Variants in CLASP1 observed in about 807,000 individuals in gnomAD.
CLASP1 encodes CLIP-associating protein 1.
CLASP1 carries 38 observed loss-of-function variants against 192.3 expected under a neutral mutation model. That is an observed-to-expected ratio of 0.20 (90% CI 0.15 to 0.26). The LOEUF is 0.26. Ranked by LOEUF, CLASP1 falls within the 10% of genes least tolerant of loss-of-function variation. The pLI, the probability that CLASP1 is intolerant of heterozygous loss-of-function variation, is 1.00. For missense variants in CLASP1, 1,433 were observed against 1,932.5 expected, an observed-to-expected ratio of 0.74 and a Z score of 4.85; for synonymous variants, 691 against 712.8, an observed-to-expected ratio of 0.97 and a Z score of 0.49.
chr2:121,386,051 T>C (rs765918519), intron 32 of CLASP1, among the ~76,000 whole-genome samples: 7 of 152,206 alleles, frequency 4.6e-5, no homozygotes, highest in Non-Finnish European at 8.8e-5. Context: ...GAAAATACTT[T>C]GTTTCACCAA....
intron 19 of CLASP1, among the ~76,000 whole-genome samples, chr2:121,430,799 TA>T (rs1276416475): frequency 1.3e-5 from 2 of 152,032 alleles, no homozygotes; most frequent in East Asian, 3.9e-4. Flanking sequence ...GAGATACAGC[TA>T]AAAAGAATCA....
intron 2 of CLASP1, chr2:121,530,779 A>G: frequency 1.8e-6 from 1 of 563,730 alleles, no homozygotes; most frequent in Admixed American, 2.9e-5. Context: ...GCTGGAGGTA[A>G]GCTAGCTACC....
chr2:121,516,955 C>T (rs558120541), intron 6 of CLASP1, among the ~76,000 whole-genome samples: 6 of 152,208 alleles, frequency 3.9e-5, no homozygotes, highest in South Asian at 2.1e-4. Context: ...CACTTGGAGG[C>T]GGAGTTTGCA....
At chr2:121,622,770 T>A (rs1367050420) in intron 1 of CLASP1, among the ~76,000 whole-genome samples, 1 of 152,224 alleles carries the variant, frequency 6.6e-6, no homozygotes, top group Non-Finnish European at 1.5e-5. Flanking sequence ...AACAGTTTTA[T>A]AGTGCATTCC....
chr2:121,530,996 A>T (rs558135361), intron 2 of CLASP1: 3 of 700,158 alleles, frequency 4.3e-6, no homozygotes, highest in Non-Finnish European at 5.2e-6. Context: ...TTTTGGTGCA[A>T]TTTTTGGAAA....
At chr2:121,647,131 G>GC (rs2073326488) in intron 1 of CLASP1, among the ~76,000 whole-genome samples, 2 of 152,080 alleles carry the variant, frequency 1.3e-5, no homozygotes, top group South Asian at 4.1e-4. Flanking sequence ...ACTTCGGAAG[G>GC]CCAAGGCAGG....
At chr2:121,603,936 T>A (rs186469621) in intron 2 of CLASP1, among the ~76,000 whole-genome samples, 13 of 152,220 alleles carry the variant, frequency 8.5e-5, no homozygotes, top group Admixed American at 4.6e-4. Flanking sequence ...AAGAGAGGTA[T>A]AGGAAGAGAT....
At chr2:121,454,294 G>A (rs905772218) in intron 14 of CLASP1, among the ~76,000 whole-genome samples, 8 of 152,076 alleles carry the variant, frequency 5.3e-5, no homozygotes, top group Admixed American at 4.6e-4. Flanking sequence ...CCTATAAGAA[G>A]AGATAACAGG....
exon 2 of CLASP1, chr2:121,606,014 T>A (rs2064372866): frequency 6.3e-6 from 5 of 799,228 alleles, no homozygotes; most frequent in Non-Finnish European, 7.9e-6. Flanking sequence ...AGCCTGTGTT[T>A]CAAAGATGCA....
intron 8 of CLASP1, among the ~76,000 whole-genome samples, chr2:121,500,272 G>A (rs1228059876): frequency 6.6e-6 from 1 of 150,964 alleles, no homozygotes; most frequent in Admixed American, 6.6e-5. Context: ...CACGAAGGAG[G>A]AGGAGGTGGG....
chr2:121,497,011 G>C (rs2150195647), intron 8 of CLASP1, among the ~76,000 whole-genome samples: 1 of 152,246 alleles, frequency 6.6e-6, no homozygotes, highest in African/African-American at 2.4e-5. Flanking sequence ...TCATATGTGG[G>C]AGCTAAAAGG....
At chr2:121,479,098 C>T (rs544246839) in intron 8 of CLASP1, among the ~76,000 whole-genome samples, 1 of 137,838 alleles carries the variant, frequency 7.3e-6, no homozygotes, top group Admixed American at 7.4e-5. Context: ...GGTGAAAGAC[C>T]GGATGCTTTC....
chr2:121,531,868 A>G (rs1396663223), intron 2 of CLASP1, among the ~76,000 whole-genome samples: 4 of 150,520 alleles, frequency 2.7e-5, no homozygotes, highest in Middle Eastern at 6.4e-3. Context: ...CTCGGTCTCA[A>G]AAAAAAAAAG....
chr2:121,411,035 ACTACTGCCTCTTCCCAC>A (rs2077620296), intron 23 of CLASP1, 66 bp from the exon 25 acceptor site: 1 of 999,216 alleles, frequency 1.0e-6, no homozygotes, highest in Admixed American at 2.5e-5. Flanking sequence ...CCTTGCAAGG[ACTACTGCCTCTTCCCAC>A]CAAGTAGACA....
rs541305140 is a variant in CLASP1, at chr2:121,497,195, A to T, written c.712+5972T>A. 3.9e-5 allele frequency among the ~76,000 whole-genome samples: 6 copies of T among 152,340 alleles called. No individual in the cohort carries two copies. In the South Asian group the frequency reaches 1.2e-3, roughly 32 times the overall value. On this transcript the variant is annotated intron_variant, in intron 8 of 39. Coordinates refer to ENST00000263710, the Ensembl canonical transcript of CLASP1. ...GTAGATTTTACCTCAATAAAAAAGC[A>T]ATATTTGAGTTAAACTCCATATGAA...
chr2:121,360,602 A>C (rs1352474503), intron 37 of CLASP1, among the ~76,000 whole-genome samples: 3 of 79,464 alleles, frequency 3.8e-5, no homozygotes, highest in Non-Finnish European at 6.3e-5. Context: ...AAGGGAAAAG[A>C]AAAAAAAAAA....
At chr2:121,447,237 T>G in intron 19 of CLASP1, 100 bp downstream of exon 19, 65 of 1,114,294 alleles carry the variant, frequency 5.8e-5, no homozygotes, top group Non-Finnish European at 7.7e-5. Flanking sequence ...CCCACAACAG[T>G]GAGACTTGCC....
At chr2:121,646,181 C>T (rs1384255585) in intron 1 of CLASP1, among the ~76,000 whole-genome samples, 3 of 152,144 alleles carry the variant, frequency 2.0e-5, no homozygotes, top group Admixed American at 6.6e-5. Flanking sequence ...GGCACGATTT[C>T]GGCTCACTGT....
intron 2 of CLASP1, among the ~76,000 whole-genome samples, chr2:121,567,481 A>C (rs1328016415): frequency 6.6e-6 from 1 of 152,214 alleles, no homozygotes; most frequent in East Asian, 1.9e-4. Context: ...ATCCAGCTCC[A>C]GGGCCACCAT....
Sources: gnomAD v4.1 joint callset for allele counts (sites outside exome capture counted in the v4.1 genomes callset) on GRCh38, gnomAD v4.1.1 for gene constraint, MANE v1.5 for transcripts, NCBI Gene and HGNC (gene_info 2026-07-23, HGNC 2026-07-21) for gene names.